The following ACTRT2 variants were observed in gnomAD, a reference collection of about 807,000 sequenced individuals.
ACTRT2 encodes the protein actin related protein T2.
Under a neutral mutation model 1.2 loss-of-function variants are expected in ACTRT2, and 1 was observed. The observed-to-expected ratio is 0.80, with a 90% CI of 0.29 to 3.81. The LOEUF is 3.81. Ranked by LOEUF, ACTRT2 falls within the 30% of genes most tolerant of loss-of-function variation. The probability of loss-of-function intolerance (pLI) is 0.18; values close to 1 mark genes in which losing one functional copy is unlikely to be tolerated. For missense variants in ACTRT2, 488 were observed against 497.9 expected, an observed-to-expected ratio of 0.98 and a Z score of 0.19; for synonymous variants, 262 against 228.9, an observed-to-expected ratio of 1.14 and a Z score of -1.30.
Position 3,022,900 on chromosome 1 carries a change from G to T in ACTRT2, c.*80G>T. 1.3e-6 allele frequency: 2 copies of T among 1,509,410 alleles called. No homozygotes were observed. Among genetic ancestry groups the T allele is most frequent in the South Asian group, 1.3e-5 (1 of 75,944 alleles). 93.5% of individuals were successfully genotyped at this position (1,509,410 alleles called of 1,614,324 possible). ...GGATGTTCAATAAAGGACCAATGCCGGAACACCTGGCCACCTCGGCTCAGT... is the reference window on the plus strand; with the variant it reads ...GGATGTTCAATAAAGGACCAATGCCTGAACACCTGGCCACCTCGGCTCAGT... On this transcript the variant is annotated 3_prime_UTR_variant, in exon 1 of 1. Coordinates refer to ENST00000378404, the MANE Select transcript of ACTRT2 (RefSeq NM_080431.5). This position sits in a 1 kb window ranked among gnomAD's most constrained non-coding sequence, Gnocchi z 7.7.
Position 3,022,478 on chromosome 1 carries a change from C to T in ACTRT2, c.792C>T (p.Phe264=), listed in dbSNP as rs774983376. ...DPLHQAPEAL[F]VPQQLGSQSP... ...TGCACCAGGCGCCCGAGGCCCTGTT[C>T]GTGCCCCAGCAGCTGGGCAGCCAGA... Residue 264 remains phenylalanine (F), a synonymous_variant, in exon 1 of 1, where the codon TTC becomes TTT. Coordinates refer to ENST00000378404, the MANE Select transcript of ACTRT2 (RefSeq NM_080431.5). The surrounding 1 kb of genome is among the most constrained non-coding windows in gnomAD (Gnocchi z 7.7). 29 of 1,612,758 alleles carry T rather than the reference C, an allele frequency of 1.8e-5. No homozygotes were observed. The highest frequency in any genetic ancestry group is 1.1e-4 in the East Asian group (5 of 44,848).
Position 3,021,544 on chromosome 1 carries a change from A to G in ACTRT2, c.-143A>G. On this transcript the variant is annotated 5_prime_UTR_variant, in exon 1 of 1. Transcript: ENST00000378404. Reference sequence around the variant, plus strand: ...AGAGCAGACCTGCGGCTGAGGATGCAGGGCTCCCGGGCACGGTGCTAGCCC... The same window carrying G: ...AGAGCAGACCTGCGGCTGAGGATGCGGGGCTCCCGGGCACGGTGCTAGCCC... 2 of 1,204,274 alleles carry G rather than the reference A, an allele frequency of 1.7e-6. No individual in the cohort carries two copies. Among genetic ancestry groups the G allele is most frequent in the Non-Finnish European group, 1.2e-6 (1 of 868,948 alleles). 74.6% of individuals were successfully genotyped at this position (1,204,274 alleles called of 1,614,324 possible). A position where few individuals can be genotyped will look rare whatever the true frequency, so the allele number is the denominator to read the frequency against.
In ACTRT2 at chr1:3,022,771, C is replaced by T. The variant is rs765482090; in HGVS notation, c.1085C>T (p.Ala362Val). The T allele has an allele frequency of 3.1e-6, 5 of 1,613,786 alleles. No individual in the cohort carries two copies. The African/African-American group carries it at 6.7e-5, about 22-fold the overall frequency. ...TTCAAGCAGATGTGGGTCACCGCCG[C>T]AGACTTCAAGGAGTTTGGGACCTCC... ...SSFKQMWVTAADFKEFGTSVV... is the reference protein window; with the variant it reads ...SSFKQMWVTAVDFKEFGTSVV... Residue 362 changes from alanine to valine, a missense_variant, in exon 1 of 1, where the codon GCA becomes GTA. Ala to Val is a moderately conservative substitution (Grantham distance 64, BLOSUM62 0). Transcript: ENST00000378404. This position sits in a 1 kb window ranked among gnomAD's most constrained non-coding sequence, Gnocchi z 7.7.
chr1:3,021,506 G>A lies in ACTRT2; in HGVS notation c.-181G>A. ...CTGGAAGAGGCCTCAGCAGGCCCAG[G>A]CCACCTGGAGGGAGAGCAGACCTGC... On this transcript the variant is annotated 5_prime_UTR_variant, in exon 1 of 1. Coordinates refer to ENST00000378404, the MANE Select transcript of ACTRT2 (RefSeq NM_080431.5). 2.4e-6 allele frequency: 2 copies of A among 822,884 alleles called. No homozygotes were observed. Among genetic ancestry groups the A allele is most frequent in the Non-Finnish European group, 3.7e-6 (2 of 540,954 alleles). 51.0% of individuals were successfully genotyped at this position (822,884 alleles called of 1,614,324 possible).
chr1:3,021,469 C>A lies in ACTRT2; in HGVS notation c.-218C>A. The A allele has an allele frequency of 3.5e-6, 2 of 571,174 alleles. No homozygotes were observed. The highest frequency in any genetic ancestry group is 6.0e-6 in the Non-Finnish European group (2 of 332,824). The allele number at this position is 571,174 out of a possible 1,614,324, so 35.4% of individuals were successfully genotyped here. A position where few individuals can be genotyped will look rare whatever the true frequency, so the allele number is the denominator to read the frequency against. ...GGCTAGATTGTTACCTAGGAGACAA[C>A]CCCCTGGCCCCCTGGAAGAGGCCTC... is the stretch of plus-strand genomic sequence containing the variant. On this transcript the variant is annotated 5_prime_UTR_variant, in exon 1 of 1. Transcript: ENST00000378404.
At position 3,021,553 on chromosome 1, in the gene ACTRT2, G is replaced by T. The variant is rs895329147; in HGVS notation, c.-134G>T. The T allele has an allele frequency of 7.8e-7, 1 of 1,284,576 alleles. No homozygotes were observed. Among genetic ancestry groups the T allele is most frequent in the East Asian group, 2.4e-5 (1 of 42,252 alleles). 79.6% of individuals were successfully genotyped at this position (1,284,576 alleles called of 1,614,324 possible). Reference sequence around the variant, plus strand: ...CTGCGGCTGAGGATGCAGGGCTCCCGGGCACGGTGCTAGCCCTGCCTTGAG... The same window carrying T: ...CTGCGGCTGAGGATGCAGGGCTCCCTGGCACGGTGCTAGCCCTGCCTTGAG... On this transcript the variant is annotated 5_prime_UTR_variant, in exon 1 of 1. Coordinates refer to ENST00000378404, the MANE Select transcript of ACTRT2 (RefSeq NM_080431.5).
In ACTRT2 at chr1:3,022,767, G is replaced by A. The variant is rs149188311; in HGVS notation, c.1081G>A (p.Ala361Thr). ...TAGCTTCAAGCAGATGTGGGTCACCGCCGCAGACTTCAAGGAGTTTGGGAC... is the reference window on the plus strand; with the variant it reads ...TAGCTTCAAGCAGATGTGGGTCACCACCGCAGACTTCAAGGAGTTTGGGAC... ...LSSFKQMWVT[A>T]ADFKEFGTSV... is the part of the protein sequence containing the mutation. The change falls in exon 1 of 1, where the codon GCC becomes ACC. Residue 361 changes from alanine to threonine, a missense_variant. Coordinates refer to ENST00000378404, the MANE Select transcript of ACTRT2 (RefSeq NM_080431.5). This position sits in a 1 kb window ranked among gnomAD's most constrained non-coding sequence, Gnocchi z 7.7. 1.6e-4 allele frequency: 265 copies of A among 1,613,716 alleles called. 6 individuals carry two copies. The highest frequency in any genetic ancestry group is 1.1e-3 in the East Asian group (49 of 44,852).
Position 3,021,867 on chromosome 1 carries a change from G to C in ACTRT2, c.181G>C (p.Glu61Gln). 6.2e-7 allele frequency: 1 copy of C among 1,613,332 alleles called. No individual in the cohort carries two copies. Among genetic ancestry groups the C allele is most frequent in the East Asian group, 2.2e-5 (1 of 44,840 alleles). The stretch of plus-strand genomic sequence containing the variant: ...CCAGAAGAAGTACTTTGTGGGGGAG[G>C]AGGCCCTGTACAAGCAGGAGGCCCT... The part of the protein sequence containing the change: ...ANQKKYFVGE[E>Q]ALYKQEALQL... The change falls in exon 1 of 1, where the codon GAG becomes CAG. Residue 61 changes from glutamate to glutamine, a missense_variant. Glu to Gln is a conservative substitution (Grantham distance 29). Coordinates refer to ENST00000378404, the MANE Select transcript of ACTRT2 (RefSeq NM_080431.5).
At position 3,022,449 on chromosome 1, in the gene ACTRT2, C is replaced by G; in HGVS notation, c.763C>G (p.Pro255Ala). The G allele has an allele frequency of 6.2e-7, 1 of 1,612,870 alleles. No homozygotes were observed. Residue 255 changes from proline to alanine, a missense_variant, in exon 1 of 1, where the codon CCG becomes GCG. Pro to Ala is a conservative substitution (Grantham distance 27). Coordinates refer to ENST00000378404, the MANE Select transcript of ACTRT2 (RefSeq NM_080431.5). This position sits in a 1 kb window ranked among gnomAD's most constrained non-coding sequence, Gnocchi z 7.7. ...PDGNIISLGDPLHQAPEALFV... is the reference protein window; with the variant it reads ...PDGNIISLGDALHQAPEALFV... Reference sequence around the variant, plus strand: ...CGGGAACATCATCAGCCTCGGGGACCCGCTGCACCAGGCGCCCGAGGCCCT... The same window carrying G: ...CGGGAACATCATCAGCCTCGGGGACGCGCTGCACCAGGCGCCCGAGGCCCT...
chr1:3,022,795 C>T lies in ACTRT2; in HGVS notation c.1109C>T (p.Ser370Phe), dbSNP rs764601455. The stretch of plus-strand genomic sequence containing the variant: ...GCAGACTTCAAGGAGTTTGGGACCT[C>T]CGTGGTGCAGAGAAGATGCTTCTGA... Reference protein sequence around the residue: ...TAADFKEFGTSVVQRRCF With the variant: ...TAADFKEFGTFVVQRRCF The change falls in exon 1 of 1, where the codon TCC (serine) becomes TTC (phenylalanine). Residue 370 changes from serine (S) to phenylalanine (F), a missense_variant. Ser to Phe is a radical substitution (Grantham distance 155). Coordinates refer to ENST00000378404, the MANE Select transcript of ACTRT2 (RefSeq NM_080431.5). The surrounding 1 kb of genome is among the most constrained non-coding windows in gnomAD (Gnocchi z 7.7). 1.2e-6 allele frequency: 2 copies of T among 1,612,874 alleles called. No homozygotes were observed. Among genetic ancestry groups the T allele is most frequent in the East Asian group, 2.2e-5 (1 of 44,836 alleles).
In ACTRT2 at chr1:3,021,603, C is replaced by A. The variant is rs1401974182; in HGVS notation, c.-84C>A. The A allele has an allele frequency of 1.3e-6, 2 of 1,514,590 alleles. No homozygotes were observed. The highest frequency in any genetic ancestry group is 2.8e-5 in the African/African-American group (2 of 72,070). The allele number at this position is 1,514,590 out of a possible 1,614,324, so 93.8% of individuals were successfully genotyped here. ...GACACCCCGAGAGCTGTGGGAAGAG[C>A]TGTGGGATCCCCTATTGCATCACAA... On this transcript the variant is annotated 5_prime_UTR_variant, in exon 1 of 1. It adds an upstream start codon to the 5' untranslated region. Transcript: ENST00000378404.
In ACTRT2 at chr1:3,022,677, A is replaced by G. The variant is rs1641095156; in HGVS notation, c.991A>G (p.Ile331Val). The change falls in exon 1 of 1, where the codon ATC becomes GTC. Residue 331 changes from isoleucine (I) to valine (V), a missense_variant. By Grantham distance (29) the Ile-to-Val change is conservative (BLOSUM62 3). Coordinates refer to ENST00000378404, the MANE Select transcript of ACTRT2 (RefSeq NM_080431.5). This position sits in a 1 kb window ranked among gnomAD's most constrained non-coding sequence, Gnocchi z 7.7. Reference sequence around the variant, plus strand: ...GGCCTCCAAGGACACCCCCATCAAGATCACGGCTCCCCCCGACCGGTGGTT... The same window carrying G: ...GGCCTCCAAGGACACCCCCATCAAGGTCACGGCTCCCCCCGACCGGTGGTT... ...QLASKDTPIKITAPPDRWFST... is the reference protein window; with the variant it reads ...QLASKDTPIKVTAPPDRWFST... 3 of 1,612,938 alleles carry G rather than the reference A, an allele frequency of 1.9e-6. No individual in the cohort carries two copies. Among genetic ancestry groups the G allele is most frequent in the African/African-American group, 2.7e-5 (2 of 74,854 alleles).
rs778249092 is a variant in ACTRT2 at position 3,022,008 on chromosome 1, C to T, written c.322C>T (p.Leu108Phe). ...LGVKPSDQPLLATEPSLNPRE... is the reference protein window; with the variant it reads ...LGVKPSDQPLFATEPSLNPRE... ...CGTGAAACCCAGCGACCAGCCCCTGCTTGCAACGGAGCCCTCCCTGAACCC... is the reference window on the plus strand; with the variant it reads ...CGTGAAACCCAGCGACCAGCCCCTGTTTGCAACGGAGCCCTCCCTGAACCC... Residue 108 changes from leucine to phenylalanine, a missense_variant, in exon 1 of 1, where the codon CTT (leucine) becomes TTT (phenylalanine). Coordinates refer to ENST00000378404, the MANE Select transcript of ACTRT2 (RefSeq NM_080431.5). The surrounding 1 kb of genome is among the most constrained non-coding windows in gnomAD (Gnocchi z 7.7). 2.0e-5 allele frequency: 33 copies of T among 1,613,572 alleles called. No individual in the cohort carries two copies. Among genetic ancestry groups the T allele is most frequent in the Non-Finnish European group, 2.7e-5 (32 of 1,180,034 alleles).
At position 3,021,717 on chromosome 1, in the gene ACTRT2, G is replaced by T; in HGVS notation, c.31G>T (p.Ala11Ser). 6.2e-6 allele frequency: 10 copies of T among 1,613,898 alleles called. No individual in the cohort carries two copies. The highest frequency in any genetic ancestry group is 7.6e-6 in the Non-Finnish European group (9 of 1,179,990). Residue 11 changes from alanine to serine, a missense_variant, in exon 1 of 1, where the codon GCT becomes TCT. By Grantham distance (99) the Ala-to-Ser change is moderately conservative. Coordinates refer to ENST00000378404, the MANE Select transcript of ACTRT2 (RefSeq NM_080431.5). The stretch of plus-strand genomic sequence containing the variant: ...TAATCCGCACGCTTTAGACTCCCCG[G>T]CTGTGATTTTTGACAATGGCTCGGG... Reference protein sequence around the residue: MFNPHALDSPAVIFDNGSGFC... With the variant: MFNPHALDSPSVIFDNGSGFC...
Position 3,022,047 on chromosome 1 carries a change from G to A in ACTRT2, c.361G>A (p.Glu121Lys), listed in dbSNP as rs1395873421. 2.3e-5 allele frequency: 37 copies of A among 1,613,588 alleles called. No homozygotes were observed. The highest frequency in any genetic ancestry group is 2.9e-5 in the Non-Finnish European group (34 of 1,180,034). ...EPSLNPRENREKMAEVMFENF... is the reference protein window; with the variant it reads ...EPSLNPRENRKKMAEVMFENF... ...CTCCCTGAACCCCAGGGAGAACCGTGAGAAGATGGCAGAAGTCATGTTCGA... is the reference window on the plus strand; with the variant it reads ...CTCCCTGAACCCCAGGGAGAACCGTAAGAAGATGGCAGAAGTCATGTTCGA... Residue 121 changes from glutamate (E) to lysine (K), a missense_variant, in exon 1 of 1, where the codon GAG (glutamate) becomes AAG (lysine). Physicochemically the swap from Glu to Lys is moderately conservative, Grantham distance 56. Coordinates refer to ENST00000378404, the MANE Select transcript of ACTRT2 (RefSeq NM_080431.5). This position sits in a 1 kb window ranked among gnomAD's most constrained non-coding sequence, Gnocchi z 7.7.
Position 3,021,480 on chromosome 1 carries a change from C to T in ACTRT2, c.-207C>T. On this transcript the variant is annotated 5_prime_UTR_variant, in exon 1 of 1. Coordinates refer to ENST00000378404, the MANE Select transcript of ACTRT2 (RefSeq NM_080431.5). ...TACCTAGGAGACAACCCCCTGGCCC[C>T]CTGGAAGAGGCCTCAGCAGGCCCAG... The T allele has an allele frequency of 3.2e-6, 2 of 615,768 alleles. No individual in the cohort carries two copies. Among genetic ancestry groups the T allele is most frequent in the East Asian group, 3.0e-5 (1 of 33,702 alleles). 38.1% of individuals were successfully genotyped at this position (615,768 alleles called of 1,614,324 possible). A position where few individuals can be genotyped will look rare whatever the true frequency, so the allele number is the denominator to read the frequency against.
rs1209105022 is a variant in ACTRT2, at chr1:3,022,532, C to T, written c.846C>T (p.Ser282=). The T allele has an allele frequency of 6.2e-7, 1 of 1,612,986 alleles. No homozygotes were observed. The highest frequency in any genetic ancestry group is 1.1e-5 in the South Asian group (1 of 91,080). ...CCGGGCTCTCGAATATGGTCTCCAGCAGCATCACCAAGTGTGATACCGACA... is the reference window on the plus strand; with the variant it reads ...CCGGGCTCTCGAATATGGTCTCCAGTAGCATCACCAAGTGTGATACCGACA... ...QSPGLSNMVS[S]SITKCDTDIQ... Residue 282 remains serine (S), a synonymous_variant, in exon 1 of 1, where the codon AGC becomes AGT. Coordinates refer to ENST00000378404, the MANE Select transcript of ACTRT2 (RefSeq NM_080431.5). This position sits in a 1 kb window ranked among gnomAD's most constrained non-coding sequence, Gnocchi z 7.7.
chr1:3,021,621 C>G lies in ACTRT2; in HGVS notation c.-66C>G, dbSNP rs1641073969. On this transcript the variant is annotated 5_prime_UTR_variant, in exon 1 of 1. Transcript: ENST00000378404. Reference sequence around the variant, plus strand: ...GGAAGAGCTGTGGGATCCCCTATTGCATCACAAAGCGGCCCTGGAGGGCTG... The same window carrying G: ...GGAAGAGCTGTGGGATCCCCTATTGGATCACAAAGCGGCCCTGGAGGGCTG... The G allele has an allele frequency of 6.5e-7, 1 of 1,544,786 alleles. No homozygotes were observed. Among genetic ancestry groups the G allele is most frequent in the African/African-American group, 1.4e-5 (1 of 72,834 alleles).
chr1:3,022,211 G>A lies in ACTRT2; in HGVS notation c.525G>A (p.Leu175=), dbSNP rs1394232533. The part of the protein sequence containing the change: ...CTVPIFEGYS[L]PHAVTKLHVA... ...TCCCCATCTTTGAGGGTTACTCCCT[G>A]CCCCACGCAGTCACCAAGCTCCACG... Residue 175 remains leucine (L), a synonymous_variant, in exon 1 of 1, where the codon CTG becomes CTA. Coordinates refer to ENST00000378404, the MANE Select transcript of ACTRT2 (RefSeq NM_080431.5). This position sits in a 1 kb window ranked among gnomAD's most constrained non-coding sequence, Gnocchi z 7.7. 1 of 1,613,052 alleles carries A rather than the reference G, an allele frequency of 6.2e-7. No individual in the cohort carries two copies. Among genetic ancestry groups the A allele is most frequent in the South Asian group, 1.1e-5 (1 of 91,074 alleles).
Sources: allele counts gnomAD v4.1 joint callset, GRCh38; gene constraint gnomAD v4.1.1; non-coding constraint Gnocchi (gnomAD v3.1); transcripts MANE v1.5; gene names NCBI Gene and HGNC (gene_info 2026-07-23, HGNC 2026-07-21).